The following ITCH variants were observed in gnomAD, a reference collection of about 807,000 sequenced individuals.
ITCH encodes the protein itchy E3 ubiquitin protein ligase.
Under a neutral mutation model 126.8 loss-of-function variants are expected in ITCH, and 28 were observed. The observed-to-expected ratio is 0.22, with a 90% confidence interval of 0.16 to 0.30. The LOEUF is 0.30. Ranked by LOEUF, ITCH falls within the 10% of genes least tolerant of loss-of-function variation. The pLI, the probability that ITCH is intolerant of heterozygous loss-of-function variation, is 1.00. For synonymous variants in ITCH, 342 were observed against 340.0 expected, an observed-to-expected ratio of 1.01 and a Z score of -0.06; for missense variants, 631 against 1,032.4, an observed-to-expected ratio of 0.61 and a Z score of 5.33.
intron 20 of ITCH, among the ~76,000 whole-genome samples, chr20:34,481,650 C>A (rs992425314): frequency 6.6e-6 from 1 of 152,110 alleles, no homozygotes; most frequent in African/African-American, 2.4e-5. Context: ...CAAGGAGGGG[C>A]AAGTCACATC....
chr20:34,507,289 TGGTTG>T (rs1569016630), intron 24 of ITCH, among the ~76,000 whole-genome samples: 186 of 68,124 alleles, frequency 2.7e-3, no homozygotes, highest in African/African-American at 3.0e-3. Flanking sequence ...TTTTTTTTTT[TGGTTG>T]TTGTTGTTGT....
chr20:34,423,137 G>A (rs1364619346), intron 6 of ITCH, among the ~76,000 whole-genome samples: 2 of 152,048 alleles, frequency 1.3e-5, no homozygotes, highest in Non-Finnish European at 2.9e-5. Context: ...CTGGACATTT[G>A]TATAAATGGA....
Position 34,508,254 on chromosome 20 carries a change from A to G in ITCH, c.*460A>G, listed in dbSNP as rs1275113664. ...TACTCCTGCTTCTGGGGATGTGAGCAAAATTCGGGCTTGTGTTCTCCCTCT... is the reference window on the plus strand; with the variant it reads ...TACTCCTGCTTCTGGGGATGTGAGCGAAATTCGGGCTTGTGTTCTCCCTCT... On this transcript the variant is annotated 3_prime_UTR_variant, in exon 25 of 25. Coordinates refer to ENST00000374864, the MANE Select transcript of ITCH (RefSeq NM_031483.7). The G allele has an allele frequency of 5.3e-6, 1 of 188,808 alleles. No individual in the cohort carries two copies. The highest frequency in any genetic ancestry group is 1.1e-5 in the Non-Finnish European group (1 of 88,640). 11.7% of individuals were successfully genotyped at this position (188,808 alleles called of 1,614,324 possible).
intron 20 of ITCH, among the ~76,000 whole-genome samples, chr20:34,484,418 C>A (rs1988969192): frequency 6.6e-6 from 1 of 152,144 alleles, no homozygotes; most frequent in Non-Finnish European, 1.5e-5. Context: ...AACAATCTAT[C>A]CTTTTAAAAG....
intron 7 of ITCH, 33 bp downstream of exon 7, chr20:34,424,558 C>T (rs376548578): frequency 1.8e-4 from 287 of 1,551,602 alleles, no homozygotes; most frequent in Middle Eastern, 3.3e-4. Flanking sequence ...CCACAGAATG[C>T]GGAGAGATAG....
At position 34,371,162 on chromosome 20, in the gene ITCH, C is replaced by T. The variant is rs533140813; in HGVS notation, c.-22+1692C>T. Among the ~76,000 whole-genome samples the T allele has an allele frequency of 4.6e-3, 589 of 127,904 alleles. 5 individuals are homozygous for T. The highest frequency in any genetic ancestry group is 0.016 in the African/African-American group (546 of 33,266). 83.9% of individuals were successfully genotyped at this position (127,904 alleles called of 152,430 possible). On this transcript the variant is annotated intron_variant, in intron 2 of 24. Coordinates refer to ENST00000374864, the MANE Select transcript of ITCH (RefSeq NM_031483.7). The stretch of plus-strand genomic sequence containing the variant: ...CAGCCTGGGCAACAGAGCCAGACTC[C>T]GTCTCAAAAAAAAAAAAAAAAAAAC...
chr20:34,495,797 T>TG (rs1989838389), intron 23 of ITCH, among the ~76,000 whole-genome samples: 1 of 151,894 alleles, frequency 6.6e-6, no homozygotes, highest in African/African-American at 2.4e-5. Flanking sequence ...TTTAGATGAA[T>TG]GCCCCATAGT....
At chr20:34,417,967 C>T (rs1021758457) in intron 6 of ITCH, among the ~76,000 whole-genome samples, 31 of 137,420 alleles carry the variant, frequency 2.3e-4, no homozygotes, top group African/African-American at 8.0e-4. Context: ...TTACTTTCAA[C>T]TTTTTTTTTT....
At chr20:34,395,117 C>T (rs1290055006) in intron 3 of ITCH, among the ~76,000 whole-genome samples, 2 of 151,652 alleles carry the variant, frequency 1.3e-5, no homozygotes, top group Non-Finnish European at 2.9e-5. Context: ...CCTGTAATCC[C>T]AGCTACTTGG....
At chr20:34,430,249 G>A (rs1982102218) in intron 7 of ITCH, among the ~76,000 whole-genome samples, 1 of 152,136 alleles carries the variant, frequency 6.6e-6, no homozygotes, top group Admixed American at 6.6e-5. Flanking sequence ...CGTTAAGTGG[G>A]ACAGTTGAAC....
At chr20:34,499,480 G>C (rs977491638) in intron 23 of ITCH, among the ~76,000 whole-genome samples, 2 of 151,028 alleles carry the variant, frequency 1.3e-5, no homozygotes, top group Admixed American at 6.6e-5. Context: ...TTCTAAGTTG[G>C]TGTGTAGTTC....
intron 6 of ITCH, among the ~76,000 whole-genome samples, chr20:34,419,235 T>C (rs1021602260): frequency 6.6e-6 from 1 of 152,196 alleles, no homozygotes; most frequent in African/African-American, 2.4e-5. Context: ...ATATTTAATA[T>C]GTGTAAGATA....
rs575582334 is a variant in ITCH, at chr20:34,511,183, A to G, written c.*3389A>G. ...TACTTTGTTTGTATAATTTGCTTTC[A>G]TTAACTAAAAATGGAATTGGCAGCA... On this transcript the variant is annotated 3_prime_UTR_variant, in exon 25 of 25. Transcript: ENST00000374864. The G allele has an allele frequency of 6.6e-6, 1 of 151,810 alleles. No homozygotes were observed. The highest frequency in any genetic ancestry group is 1.5e-5 in the Non-Finnish European group (1 of 67,968). The allele number at this position is 151,810 out of a possible 1,614,324, so 9.4% of individuals were successfully genotyped here. A position where few individuals can be genotyped will look rare whatever the true frequency, so the allele number is the denominator to read the frequency against.
intron 3 of ITCH, among the ~76,000 whole-genome samples, chr20:34,401,900 T>C (rs1286638173): frequency 6.6e-6 from 1 of 151,982 alleles, no homozygotes; most frequent in East Asian, 1.9e-4. Context: ...ATAACAAAAC[T>C]GAAACTAGTA....
intron 1 of ITCH, among the ~76,000 whole-genome samples, chr20:34,364,289 C>T (rs542727549): frequency 2.0e-5 from 3 of 152,240 alleles, no homozygotes; most frequent in Admixed American, 6.5e-5. Context: ...ATTACATTTT[C>T]TGCCATTCTT....
At chr20:34,451,812 C>T (rs767414272) in intron 12 of ITCH, among the ~76,000 whole-genome samples, 11 of 152,234 alleles carry the variant, frequency 7.2e-5, no homozygotes, top group Non-Finnish European at 1.3e-4. Context: ...TCACACCTGT[C>T]ATCTCAGCGC....
intron 3 of ITCH, among the ~76,000 whole-genome samples, chr20:34,398,597 C>T (rs1042245433): frequency 6.6e-6 from 1 of 152,094 alleles, no homozygotes; most frequent in Admixed American, 6.5e-5. Context: ...CGGGTTTTCA[C>T]CATGTTGGTC....
At chr20:34,447,368 A>T (rs1365566267) in intron 11 of ITCH, among the ~76,000 whole-genome samples, 3 of 152,192 alleles carry the variant, frequency 2.0e-5, no homozygotes, top group Non-Finnish European at 4.4e-5. Context: ...TTAATTTAAC[A>T]TCCTTAATAA....
intron 2 of ITCH, among the ~76,000 whole-genome samples, chr20:34,377,668 A>T (rs1260840270): frequency 6.6e-6 from 1 of 152,108 alleles, no homozygotes; most frequent in Non-Finnish European, 1.5e-5. Context: ...ATTCAAGACC[A>T]GCCTGGGCAA....
Sources: gnomAD v4.1 joint callset for allele counts (sites outside exome capture counted in the v4.1 genomes callset) on GRCh38, gnomAD v4.1.1 for gene constraint, MANE v1.5 for transcripts, NCBI Gene and HGNC (gene_info 2026-07-23, HGNC 2026-07-21) for gene names.